The following AGO2 variants were observed in gnomAD, a reference collection of about 807,000 sequenced individuals.
The protein encoded by AGO2 is argonaute RISC catalytic component 2, also known as protein argonaute-2.
In AGO2, 5 loss-of-function variants were observed where a neutral mutation model predicts 102.3. That is an observed-to-expected ratio of 0.05 (90% CI 0.03 to 0.10). The LOEUF (loss-of-function observed/expected upper bound fraction) is 0.10, where lower values mean the gene tolerates loss of function less well. Ranked by LOEUF, AGO2 falls within the 10% of genes least tolerant of loss-of-function variation. AGO2 has a pLI of 1.00. For missense variants in AGO2, 541 were observed against 1,183.7 expected (o/e 0.46, Z 7.97); for synonymous variants, 449 against 473.1 (o/e 0.95, Z 0.66).
chr8:140,563,515 C>T (rs190029870), intron 3 of AGO2, among the ~76,000 whole-genome samples: 143 of 152,322 alleles, frequency 9.4e-4, no homozygotes, highest in South Asian at 1.2e-3. Context: ...GGAGTACAAG[C>T]GTGAGCCATT....
intron 1 of AGO2, among the ~76,000 whole-genome samples, chr8:140,615,242 T>A (rs2074126259): frequency 6.6e-6 from 1 of 152,114 alleles, no homozygotes; most frequent in African/African-American, 2.4e-5. Context: ...CAGAGTAAGA[T>A]CCTGTCTCAA....
At chr8:140,609,836 C>A (rs1398696525) in intron 1 of AGO2, among the ~76,000 whole-genome samples, 1 of 151,368 alleles carries the variant, frequency 6.6e-6, no homozygotes, top group Non-Finnish European at 1.5e-5. Context: ...GTAATCCCGG[C>A]ACAGAAAAAG....
chr8:140,610,530 T>G (rs1239279043), intron 1 of AGO2, among the ~76,000 whole-genome samples: 4 of 152,168 alleles, frequency 2.6e-5, no homozygotes, highest in Admixed American at 2.0e-4. Context: ...GAGGCTTTCT[T>G]AATAACGGAA....
chr8:140,603,570 A>G (rs1001682661), intron 1 of AGO2, among the ~76,000 whole-genome samples: 3 of 152,206 alleles, frequency 2.0e-5, no homozygotes, highest in African/African-American at 7.2e-5. Flanking sequence ...ACGCACCTGC[A>G]TTCTGTCTCA....
chr8:140,634,780 T>G (rs887721260), intron 1 of AGO2, among the ~76,000 whole-genome samples: 1 of 152,042 alleles, frequency 6.6e-6, no homozygotes, highest in Non-Finnish European at 1.5e-5. Flanking sequence ...CGCACGCAGT[T>G]TGAGGGTTCC....
At chr8:140,635,659 G>C (rs1376988296), upstream of AGO2, 1 of 354,040 alleles carries the variant, frequency 2.8e-6, no homozygotes, top group African/African-American at 2.3e-5. Context: ...CCGGGGCGGC[G>C]GGCGGAGGCG....
chr8:140,554,883 G>T (rs1356813263), intron 10 of AGO2, among the ~76,000 whole-genome samples: 1 of 151,802 alleles, frequency 6.6e-6, no homozygotes, highest in Admixed American at 6.6e-5. Flanking sequence ...GTAGAGACAG[G>T]GTTTCTGGTC....
chr8:140,568,750 T>A (rs1381668812), intron 3 of AGO2, among the ~76,000 whole-genome samples: 1 of 152,210 alleles, frequency 6.6e-6, no homozygotes, highest in East Asian at 1.9e-4. Flanking sequence ...CCACCCATCA[T>A]GTCTGCAAAG....
rs1029971844 is a variant in AGO2 at position 140,567,203 on chromosome 8, G to A, written c.337-4569C>T. Reference sequence around the variant, plus strand: ...TGGCCTGCAGAGAAAGGACAGCAGAGTCACCCCGGGCTCTGTAACTATCTG... The same window carrying A: ...TGGCCTGCAGAGAAAGGACAGCAGAATCACCCCGGGCTCTGTAACTATCTG... On this transcript the variant is annotated intron_variant, in intron 3 of 18. Coordinates refer to ENST00000220592, the MANE Select transcript of AGO2 (RefSeq NM_012154.5). This position sits in a 1 kb window ranked among gnomAD's most constrained non-coding sequence, Gnocchi z 5.0. Among the ~76,000 whole-genome samples, 3 of 152,256 alleles carry A rather than the reference G, an allele frequency of 2.0e-5. No individual in the cohort carries two copies. The highest frequency in any genetic ancestry group is 4.4e-5 in the Non-Finnish European group (3 of 68,040).
At chr8:140,558,077 C>G (rs1011239709) in intron 7 of AGO2, among the ~76,000 whole-genome samples, 48 of 152,230 alleles carry the variant, frequency 3.2e-4, no homozygotes, top group African/African-American at 1.0e-3. Flanking sequence ...CTCTCACCCC[C>G]CACTCCGGCC....
chr8:140,634,400 G>C (rs1020544690), intron 1 of AGO2, among the ~76,000 whole-genome samples: 9 of 152,226 alleles, frequency 5.9e-5, no homozygotes, highest in Admixed American at 5.2e-4. Flanking sequence ...CATAAGCCCA[G>C]AGCCCGGCGG....
chr8:140,562,435 C>T lies in AGO2; in HGVS notation c.518+18G>A. ...TGCAGGGGAGTCCCCCGCCCTTGGT[C>T]CCGTGTGGCGCCCTCACCTCATGGA... On this transcript the variant is annotated intron_variant, in intron 4 of 18. Coordinates refer to ENST00000220592, the MANE Select transcript of AGO2 (RefSeq NM_012154.5). 1 of 1,601,186 alleles carries T rather than the reference C, an allele frequency of 6.2e-7. No individual in the cohort carries two copies. Among genetic ancestry groups the T allele is most frequent in the Non-Finnish European group, 8.5e-7 (1 of 1,171,808 alleles).
intron 10 of AGO2, 124 bp from the exon 11 acceptor site, chr8:140,551,560 G>A: frequency 1.8e-6 from 2 of 1,137,184 alleles, no homozygotes; most frequent in Non-Finnish European, 2.3e-6. Context: ...AAGAACTTTT[G>A]TGTTGTCTCC....
chr8:140,560,567 G>C (rs2073182506), intron 4 of AGO2, 57 bp from the exon 5 acceptor site: 2 of 1,571,354 alleles, frequency 1.3e-6, no homozygotes, highest in Non-Finnish European at 1.7e-6. Context: ...GGAAGGAACA[G>C]CTGCCTCTGG....
intron 1 of AGO2, among the ~76,000 whole-genome samples, chr8:140,605,570 G>A (rs924502074): frequency 1.3e-5 from 2 of 152,234 alleles, no homozygotes; most frequent in African/African-American, 4.8e-5. Flanking sequence ...GGCCACCACT[G>A]CTGTCTTCTA....
upstream of AGO2, among the ~76,000 whole-genome samples, chr8:140,639,680 G>A (rs1174134433): frequency 2.6e-5 from 4 of 152,130 alleles, no homozygotes; most frequent in Admixed American, 2.0e-4. Flanking sequence ...GACTGAGGTG[G>A]GAGGATTGCT....
chr8:140,556,094 G>A, intron 9 of AGO2, 73 bp downstream of exon 9: 2 of 1,610,482 alleles, frequency 1.2e-6, no homozygotes, highest in Middle Eastern at 1.7e-4. Context: ...TCCGTTCCAA[G>A]CATCAGAGGT....
intron 4 of AGO2, 130 bp from the exon 5 acceptor site, chr8:140,560,640 A>C: frequency 9.0e-7 from 1 of 1,105,234 alleles, no homozygotes; most frequent in East Asian, 2.5e-5. Context: ...TTTTAAATCC[A>C]CGTTTACCAC....
At chr8:140,545,955 GCTCTCATGGTC>G (rs1405803220) in intron 13 of AGO2, among the ~76,000 whole-genome samples, 1 of 152,194 alleles carries the variant, frequency 6.6e-6, no homozygotes, top group Non-Finnish European at 1.5e-5. Context: ...TCTCTTGTCT[GCTCTCATGGTC>G]CTCTCATGGC....
Sources: allele counts gnomAD v4.1 joint callset (sites outside exome capture counted in the v4.1 genomes callset), GRCh38; gene constraint gnomAD v4.1.1; non-coding constraint Gnocchi (gnomAD v3.1); transcripts MANE v1.5; gene names NCBI Gene and HGNC (gene_info 2026-07-23, HGNC 2026-07-21).